APP: variants seen among roughly 807,000 people sequenced by gnomAD.
The protein encoded by APP is amyloid beta precursor protein.
In APP, 31 loss-of-function variants were observed where a neutral mutation model predicts 101.4. That is an observed-to-expected ratio of 0.31 (90% confidence interval 0.23 to 0.41). The LOEUF (loss-of-function observed/expected upper bound fraction) is 0.41. Ranked by LOEUF, APP falls within the 10% of genes least tolerant of loss-of-function variation. The probability of loss-of-function intolerance (pLI) is 1.00; values close to 1 mark genes in which losing one functional copy is unlikely to be tolerated. For missense variants in APP, 839 were observed against 1,003.7 expected, an observed-to-expected ratio of 0.84 and a Z score of 2.22; for synonymous variants, 366 against 364.4, an observed-to-expected ratio of 1.00 and a Z score of -0.05.
At chr21:26,029,478 A>AC (rs796891900) in intron 5 of APP, among the ~76,000 whole-genome samples, 15,691 of 152,186 alleles carry the variant, frequency 0.1, 1,275 homozygotes, top group East Asian at 0.29. Flanking sequence ...CTAGTGAGGC[A>AC]GAGATTCCAG....
chr21:25,910,203 TG>T (rs34013951), intron 14 of APP, among the ~76,000 whole-genome samples: 152,213 of 152,214 alleles, frequency 1, 76,106 homozygotes, highest in Middle Eastern at 1. Flanking sequence ...CTCAGCTCAC[TG>T]GCCACGTCCG....
chr21:26,153,200 G>A (rs186846638), intron 1 of APP, among the ~76,000 whole-genome samples: 2 of 152,148 alleles, frequency 1.3e-5, no homozygotes, highest in East Asian at 1.9e-4. Flanking sequence ...TAGGTACAAG[G>A]TACCCTACTT....
In APP at chr21:26,170,764, A is replaced by G. The variant is rs2063731135; in HGVS notation, c.-144T>C. ...TGCTCTCGCCTACCGCTGCCGAGGA[A>G]ACTGACGGAGCCCGAGCGCGGCGGC... is the stretch of plus-strand genomic sequence containing the variant. On this transcript the variant is annotated 5_prime_UTR_variant, in exon 1 of 18. Coordinates refer to ENST00000346798, the MANE Select transcript of APP (RefSeq NM_000484.4). 6 of 883,682 alleles carry G rather than the reference A, an allele frequency of 6.8e-6. No individual in the cohort carries two copies. Among genetic ancestry groups the G allele is most frequent in the Non-Finnish European group, 9.6e-6 (6 of 627,980 alleles). The allele number at this position is 883,682 out of a possible 1,614,324, so 54.7% of individuals were successfully genotyped here.
intron 3 of APP, among the ~76,000 whole-genome samples, chr21:26,067,156 A>C (rs2046487013): frequency 6.6e-6 from 1 of 152,220 alleles, no homozygotes; most frequent in African/African-American, 2.4e-5. Flanking sequence ...GGTAAAAAGA[A>C]ACAGGTAAAA....
At chr21:26,066,071 T>C (rs1286380259) in intron 3 of APP, among the ~76,000 whole-genome samples, 7 of 152,246 alleles carry the variant, frequency 4.6e-5, no homozygotes, top group Middle Eastern at 3.4e-3. Flanking sequence ...TGGATCACAC[T>C]TTGAGAAATG....
chr21:26,091,311 G>C (rs1161437228), intron 2 of APP, among the ~76,000 whole-genome samples: 1 of 152,216 alleles, frequency 6.6e-6, no homozygotes, highest in Non-Finnish European at 1.5e-5. Flanking sequence ...AGGGGCTAAA[G>C]AATGTATGGC....
At chr21:26,008,045 G>A (rs1471490737) in intron 6 of APP, among the ~76,000 whole-genome samples, 5 of 119,142 alleles carry the variant, frequency 4.2e-5, no homozygotes, top group Non-Finnish European at 8.6e-5. Flanking sequence ...GCTAATGAAA[G>A]CACTGCTTCA....
intron 2 of APP, among the ~76,000 whole-genome samples, chr21:26,106,060 G>T (rs562437104): frequency 6.6e-6 from 1 of 152,328 alleles, no homozygotes; most frequent in South Asian, 2.1e-4. Flanking sequence ...CCAACCAGAA[G>T]CACTCCCTGA....
chr21:25,920,384 C>G (rs1412969662), intron 13 of APP, among the ~76,000 whole-genome samples: 1 of 152,120 alleles, frequency 6.6e-6, no homozygotes, highest in Non-Finnish European at 1.5e-5. Context: ...ACAGTATTAA[C>G]TTTAAATGTA....
chr21:26,132,134 TGG>T (rs1170575054), intron 1 of APP, among the ~76,000 whole-genome samples: 1 of 152,168 alleles, frequency 6.6e-6, no homozygotes, highest in East Asian at 1.9e-4. Flanking sequence ...TTACACTCAC[TGG>T]GGCCAGGAGT....
chr21:25,889,653 C>A (rs1170094310), intron 17 of APP, among the ~76,000 whole-genome samples: 1 of 152,150 alleles, frequency 6.6e-6, no homozygotes, highest in African/African-American at 2.4e-5. Context: ...CCAGCCTGGC[C>A]AACATGGCAA....
intron 1 of APP, among the ~76,000 whole-genome samples, chr21:26,159,653 G>A (rs769331345): frequency 3.0e-4 from 46 of 152,260 alleles, no homozygotes; most frequent in East Asian, 5.8e-4. Context: ...AAATAACTTC[G>A]CATGTGATAA....
intron 14 of APP, among the ~76,000 whole-genome samples, chr21:25,907,790 T>G (rs115617659): frequency 0.023 from 3,557 of 152,288 alleles, 130 homozygotes; most frequent in African/African-American, 0.079. Flanking sequence ...TACACCAGTT[T>G]TACATATAGA....
chr21:26,152,719 T>C (rs184429321), intron 1 of APP, among the ~76,000 whole-genome samples: 22 of 152,330 alleles, frequency 1.4e-4, no homozygotes, highest in Non-Finnish European at 2.9e-4. Flanking sequence ...ACCACCTCTA[T>C]GGAAAACATT....
intron 3 of APP, among the ~76,000 whole-genome samples, chr21:26,071,157 CAAGG>C (rs1474591289): frequency 1.3e-5 from 2 of 152,070 alleles, no homozygotes; most frequent in Non-Finnish European, 2.9e-5. Context: ...AGCAATAAAG[CAAGG>C]CATCAAATGA....
At chr21:25,911,993 G>GT in intron 13 of APP, 31 bp from the exon 14 acceptor site, 4 of 1,541,098 alleles carry the variant, frequency 2.6e-6, no homozygotes, top group Non-Finnish European at 3.6e-6. Flanking sequence ...TCTTTGGTGA[G>GT]TAACAACAAT....
chr21:26,094,104 G>C (rs2061889312), intron 2 of APP, among the ~76,000 whole-genome samples: 1 of 143,760 alleles, frequency 7.0e-6, no homozygotes, highest in South Asian at 2.2e-4. Context: ...GACAGAGCGA[G>C]ACTCGGTCTC....
intron 11 of APP, among the ~76,000 whole-genome samples, chr21:25,970,188 G>A (rs1001322549): frequency 3.3e-5 from 5 of 151,524 alleles, no homozygotes; most frequent in Admixed American, 6.6e-5. Flanking sequence ...GAAGCAATGC[G>A]GAGGCCCACA....
chr21:26,170,032 G>C (rs760739747), intron 1 of APP, among the ~76,000 whole-genome samples: 1 of 152,150 alleles, frequency 6.6e-6, no homozygotes, highest in African/African-American at 2.4e-5. Flanking sequence ...GGGTGAGAGA[G>C]GAAGGTGAAA....
Sources: allele counts gnomAD v4.1 joint callset (sites outside exome capture counted in the v4.1 genomes callset), GRCh38; gene constraint gnomAD v4.1.1; transcripts MANE v1.5; gene names NCBI Gene and HGNC (gene_info 2026-07-23, HGNC 2026-07-21).